ARHGAP21: variants seen among roughly 807,000 people sequenced by gnomAD.
ARHGAP21 encodes Rho GTPase activating protein 21.
A neutral mutation model predicts 164.6 loss-of-function variants in ARHGAP21; 38 were observed. The observed-to-expected ratio is 0.23, with a 90% CI of 0.18 to 0.30. The LOEUF (loss-of-function observed/expected upper bound fraction) is 0.30. ARHGAP21 is among the 10% of genes least tolerant of loss of function. ARHGAP21 has a pLI of 1.00. For missense variants in ARHGAP21, 1,822 were observed against 2,370.7 expected (o/e 0.77, Z 4.81); for synonymous variants, 766 against 857.9 (o/e 0.89, Z 1.87).
intron 16 of ARHGAP21, 63 bp from the exon 17 acceptor site, chr10:24,596,945 C>CTTT: frequency 6.6e-7 from 1 of 1,515,082 alleles, no homozygotes; most frequent in Non-Finnish European, 8.9e-7. Context: ...TAAATCATGA[C>CTTT]TTTAAAAACA....
intron 3 of ARHGAP21, among the ~76,000 whole-genome samples, chr10:24,667,685 A>G (rs1016617592): frequency 2.0e-5 from 3 of 152,170 alleles, no homozygotes; most frequent in African/African-American, 7.2e-5. Context: ...CTTAGAAAGA[A>G]AAACAGACGT....
At chr10:24,655,796 T>C (rs1354346069) in intron 4 of ARHGAP21, among the ~76,000 whole-genome samples, 12 of 134,048 alleles carry the variant, frequency 9.0e-5, no homozygotes, top group Non-Finnish European at 1.8e-4. Context: ...CGCCATCACA[T>C]CTAGGAAGTG....
chr10:24,637,596 G>T (rs905683731), intron 4 of ARHGAP21, among the ~76,000 whole-genome samples: 17 of 152,162 alleles, frequency 1.1e-4, no homozygotes, highest in Non-Finnish European at 1.5e-5. Flanking sequence ...CGTTGGTTGG[G>T]TAGCAATGCG....
In ARHGAP21 at chr10:24,677,270, T is replaced by C. The variant is rs545449019; in HGVS notation, c.64-6873A>G. ...TTCTTTCTCTGCAAGCTCCATTGTC[T>C]TTTCAAATCTATTTTTCCTGATAGC... On this transcript the variant is annotated intron_variant, in intron 2 of 25. Coordinates refer to ENST00000396432, the MANE Select transcript of ARHGAP21 (RefSeq NM_020824.4). Among the ~76,000 whole-genome samples the C allele has an allele frequency of 1.1e-4, 16 of 152,316 alleles. No homozygotes were observed. In the South Asian group the frequency reaches 2.3e-3, roughly 22 times the overall value.
intron 7 of ARHGAP21, among the ~76,000 whole-genome samples, chr10:24,625,674 C>T (rs898499534): frequency 3.3e-5 from 5 of 152,052 alleles, no homozygotes; most frequent in African/African-American, 4.8e-5. Flanking sequence ...CACTCTAGGC[C>T]GGACCACCTA....
intron 24 of ARHGAP21, 120 bp downstream of exon 24, chr10:24,591,076 GAAAAGGAAGATTAAGGTTTTTTATTAGTA>G: frequency 1.0e-6 from 1 of 974,272 alleles, no homozygotes; most frequent in South Asian, 1.9e-5. Context: ...AGATCAATTG[GAAAAGGAAGATTAAGGTTTTTTATTAGTA>G]GAAAGGAAGA....
At chr10:24,720,830 G>A (rs1307710463) in intron 2 of ARHGAP21, among the ~76,000 whole-genome samples, 1 of 152,108 alleles carries the variant, frequency 6.6e-6, no homozygotes, top group South Asian at 2.1e-4. Context: ...ATTGTCTAAA[G>A]TAATCCTCAA....
intron 4 of ARHGAP21, among the ~76,000 whole-genome samples, chr10:24,661,300 A>G (rs923424047): frequency 2.6e-5 from 4 of 151,846 alleles, no homozygotes; most frequent in African/African-American, 7.2e-5. Flanking sequence ...CATAGTACAG[A>G]AAACTAACCA....
intron 2 of ARHGAP21, among the ~76,000 whole-genome samples, chr10:24,682,415 A>G (rs1450012345): frequency 1.3e-5 from 2 of 152,216 alleles, no homozygotes; most frequent in Non-Finnish European, 2.9e-5. Flanking sequence ...ATGTTTTTCA[A>G]CATTTAAATA....
intron 13 of ARHGAP21, among the ~76,000 whole-genome samples, chr10:24,601,237 T>C (rs2076800833): frequency 6.6e-6 from 1 of 152,158 alleles, no homozygotes; most frequent in Non-Finnish European, 1.5e-5. Flanking sequence ...AGTAACGGAA[T>C]AGAAAATTTA....
chr10:24,602,399 G>A (rs111428516), intron 12 of ARHGAP21, among the ~76,000 whole-genome samples: 91 of 152,234 alleles, frequency 6.0e-4, no homozygotes, highest in African/African-American at 2.0e-3. Flanking sequence ...GAATGAAAAC[G>A]GCAAGATGCA....
intron 4 of ARHGAP21, among the ~76,000 whole-genome samples, chr10:24,639,131 T>C (rs1240356388): frequency 6.6e-6 from 1 of 152,194 alleles, no homozygotes. Flanking sequence ...TTGGGCCCTA[T>C]AACCATATTA....
At chr10:24,604,397 CT>C in intron 11 of ARHGAP21, 49 bp from the exon 12 acceptor site, 1 of 1,289,716 alleles carries the variant, frequency 7.8e-7, no homozygotes, top group Admixed American at 2.0e-5. Context: ...CAAAAAAAAT[CT>C]TAAAGATGTA....
chr10:24,663,432 G>C (rs375097561), intron 4 of ARHGAP21, among the ~76,000 whole-genome samples: 79 of 152,250 alleles, frequency 5.2e-4, no homozygotes, highest in African/African-American at 1.8e-3. Context: ...CAGACTCATG[G>C]CCTATACACT....
At chr10:24,607,716 CG>C (rs746538032) in intron 10 of ARHGAP21, 28 bp downstream of exon 10, 17 of 1,611,414 alleles carry the variant, frequency 1.1e-5, no homozygotes. Flanking sequence ...GCATGAGATA[CG>C]GTTTACAAAA....
At chr10:24,671,200 C>A (rs546819177) in intron 2 of ARHGAP21, among the ~76,000 whole-genome samples, 1 of 152,148 alleles carries the variant, frequency 6.6e-6, no homozygotes, top group Non-Finnish European at 1.5e-5. Flanking sequence ...CAAAACCTAA[C>A]CCTGGATAAA....
chr10:24,598,371 C>T (rs1365074730), intron 14 of ARHGAP21, among the ~76,000 whole-genome samples: 4 of 152,088 alleles, frequency 2.6e-5, no homozygotes, highest in South Asian at 2.1e-4. Flanking sequence ...AAGAAATATA[C>T]GTGTAAGTGA....
At position 24,583,805 on chromosome 10, in the gene ARHGAP21, C is replaced by T. The variant is rs2075990417; in HGVS notation, c.*607G>A. ...ATCTGGTATCTGAAGAAAAGATACA[C>T]ATTTAATATGTTCATTTAAGTTACG... On this transcript the variant is annotated 3_prime_UTR_variant, in exon 26 of 26. Transcript: ENST00000396432. 6.6e-6 allele frequency: 1 copy of T among 152,546 alleles called. No individual in the cohort carries two copies. Among genetic ancestry groups the T allele is most frequent in the Non-Finnish European group, 1.5e-5 (1 of 68,014 alleles). 9.4% of individuals were successfully genotyped at this position (152,546 alleles called of 1,614,324 possible). A position where few individuals can be genotyped will look rare whatever the true frequency, so the allele number is the denominator to read the frequency against.
intron 4 of ARHGAP21, among the ~76,000 whole-genome samples, chr10:24,635,735 C>T (rs1032192103): frequency 3.9e-5 from 6 of 152,038 alleles, no homozygotes; most frequent in Admixed American, 1.3e-4. Flanking sequence ...TTAGTAGAGA[C>T]GGGGTTTCAC....
Sources: gnomAD v4.1 joint callset for allele counts (sites outside exome capture counted in the v4.1 genomes callset) on GRCh38, gnomAD v4.1.1 for gene constraint, MANE v1.5 for transcripts, NCBI Gene and HGNC (gene_info 2026-07-23, HGNC 2026-07-21) for gene names.